Variants in MKLN1 observed in about 807,000 individuals in gnomAD.
MKLN1 encodes the protein muskelin 1.
A neutral mutation model predicts 99.0 loss-of-function variants in MKLN1; 18 were observed. The ratio of observed to expected loss-of-function variants is 0.18; its 90% CI spans 0.13 to 0.27. The LOEUF (loss-of-function observed/expected upper bound fraction) is 0.27. MKLN1 is among the 10% of genes least tolerant of loss of function. The pLI is 1.00. For synonymous variants in MKLN1, 288 were observed against 293.2 expected (o/e 0.98, Z 0.18); for missense variants, 621 against 875.9 (o/e 0.71, Z 3.67).
intron 3 of MKLN1, among the ~76,000 whole-genome samples, chr7:131,287,408 G>A (rs777865363): frequency 1.2e-4 from 19 of 152,174 alleles, no homozygotes; most frequent in South Asian, 2.1e-4. Context: ...TTCTTCCAGC[G>A]TCTGGGGGCC....
At chr7:131,374,785 TAAA>T (rs1793587567) in intron 1 of MKLN1, among the ~76,000 whole-genome samples, 1 of 152,102 alleles carries the variant, frequency 6.6e-6, no homozygotes, top group African/African-American at 2.4e-5. Context: ...TATATATGTA[TAAA>T]AAATATATAT....
chr7:131,267,719 T>A (rs1417917930), intron 3 of MKLN1, among the ~76,000 whole-genome samples: 1 of 152,220 alleles, frequency 6.6e-6, no homozygotes, highest in Non-Finnish European at 1.5e-5. Context: ...AGTTGTTTTT[T>A]AAATGTTTTC....
rs539100648 is a variant in MKLN1 at position 131,183,392 on chromosome 7, A to G, written c.-296-19465A>G. 5.6e-4 allele frequency among the ~76,000 whole-genome samples: 85 copies of G among 152,226 alleles called. 1 individual carries two copies. Among genetic ancestry groups the G allele is most frequent in the African/African-American group, 1.9e-3 (79 of 41,544 alleles). On this transcript the variant is annotated intron_variant, in intron 2 of 7. Transcript: ENST00000416992. The stretch of plus-strand genomic sequence containing the variant: ...ATTGGAACTGCCCAGGTCTCCAAAT[A>G]CTCTGTCCTGTAATCATTCCCTCTT...
intron 5 of MKLN1, among the ~76,000 whole-genome samples, chr7:131,399,025 T>G (rs1287387378): frequency 6.6e-6 from 1 of 152,256 alleles, no homozygotes; most frequent in African/African-American, 2.4e-5. Flanking sequence ...CTACATATTT[T>G]GTGACCTTGA....
chr7:131,112,109 C>A (rs1264555968), intron 1 of MKLN1, among the ~76,000 whole-genome samples: 1 of 152,294 alleles, frequency 6.6e-6, no homozygotes, highest in East Asian at 1.9e-4. Flanking sequence ...TAGGTGGATT[C>A]TGATGTAGAT....
At chr7:131,153,275 C>T (rs1795915904) in intron 2 of MKLN1, among the ~76,000 whole-genome samples, 1 of 152,028 alleles carries the variant, frequency 6.6e-6, no homozygotes, top group Non-Finnish European at 1.5e-5. Flanking sequence ...AATTTGAACT[C>T]ATTCATTGAA....
chr7:131,246,937 A>G (rs1584865161), intron 3 of MKLN1, among the ~76,000 whole-genome samples: 1 of 152,160 alleles, frequency 6.6e-6, no homozygotes, highest in East Asian at 1.9e-4. Context: ...ATCTCAGGGC[A>G]CTGTTGAGAG....
At chr7:131,244,142 T>C (rs1193831915) in intron 3 of MKLN1, among the ~76,000 whole-genome samples, 2 of 152,202 alleles carry the variant, frequency 1.3e-5, no homozygotes, top group Non-Finnish European at 2.9e-5. Flanking sequence ...GATTTCCCTC[T>C]ACTCCCCAGG....
At chr7:131,215,755 C>T (rs1796971672) in intron 3 of MKLN1, among the ~76,000 whole-genome samples, 1 of 152,126 alleles carries the variant, frequency 6.6e-6, no homozygotes, top group South Asian at 2.1e-4. Flanking sequence ...ATGGAGATAC[C>T]ATGGATTCAG....
intron 1 of MKLN1, among the ~76,000 whole-genome samples, chr7:131,373,343 G>C (rs1389201096): frequency 6.6e-6 from 1 of 151,858 alleles, no homozygotes; most frequent in Non-Finnish European, 1.5e-5. Context: ...TTATATTTAA[G>C]TGCTCTTTAA....
At chr7:131,239,013 AAAG>A (rs1387436021) in intron 3 of MKLN1, among the ~76,000 whole-genome samples, 2 of 152,152 alleles carry the variant, frequency 1.3e-5, no homozygotes, top group African/African-American at 4.8e-5. Flanking sequence ...TTCCTAGCAA[AAAG>A]AAGAACCAGG....
At chr7:131,147,713 T>A (rs931967870) in intron 2 of MKLN1, among the ~76,000 whole-genome samples, 23 of 152,302 alleles carry the variant, frequency 1.5e-4, no homozygotes, top group African/African-American at 5.5e-4. Context: ...CCACACAGTC[T>A]GACTTTAGCA....
At chr7:131,342,630 A>G (rs976769297) in intron 1 of MKLN1, among the ~76,000 whole-genome samples, 2 of 152,222 alleles carry the variant, frequency 1.3e-5, no homozygotes, top group South Asian at 4.1e-4. Flanking sequence ...TTCAGCATTG[A>G]TGACTGGGAA....
intron 12 of MKLN1, among the ~76,000 whole-genome samples, chr7:131,450,174 G>A (rs1272824114): frequency 6.6e-6 from 1 of 152,022 alleles, no homozygotes; most frequent in Admixed American, 6.6e-5. Flanking sequence ...ACCCCTCCCT[G>A]CAACCCATTC....
At chr7:131,428,736 C>T (rs1795432457) in intron 8 of MKLN1, among the ~76,000 whole-genome samples, 1 of 152,172 alleles carries the variant, frequency 6.6e-6, no homozygotes, top group Non-Finnish European at 1.5e-5. Flanking sequence ...TTTACAAATA[C>T]AGACCCATTT....
chr7:131,420,762 G>T (rs533768127), intron 8 of MKLN1, among the ~76,000 whole-genome samples: 39 of 152,268 alleles, frequency 2.6e-4, no homozygotes, highest in East Asian at 1.2e-3. Context: ...CATGGACAAG[G>T]GGGGAAGGAC....
At chr7:131,299,567 C>T (rs568419082) in intron 3 of MKLN1, among the ~76,000 whole-genome samples, 32 of 152,256 alleles carry the variant, frequency 2.1e-4, no homozygotes, top group African/African-American at 6.3e-4. Context: ...TGTAGCTCGC[C>T]GCCAGCACTC....
intron 3 of MKLN1, among the ~76,000 whole-genome samples, chr7:131,222,978 G>T (rs1479289043): frequency 3.3e-5 from 5 of 152,128 alleles, no homozygotes; most frequent in Admixed American, 2.0e-4. Context: ...GGAGGTGGAG[G>T]TTGCAGAGAT....
intron 2 of MKLN1, among the ~76,000 whole-genome samples, chr7:131,194,559 T>A (rs1796614393): frequency 6.6e-6 from 1 of 152,222 alleles, no homozygotes; most frequent in Non-Finnish European, 1.5e-5. Flanking sequence ...ATGCTTGAGA[T>A]CCATACTTAC....
Sources: gnomAD v4.1 joint callset for allele counts (sites outside exome capture counted in the v4.1 genomes callset) on GRCh38, gnomAD v4.1.1 for gene constraint, MANE v1.5 for transcripts, NCBI Gene and HGNC (gene_info 2026-07-23, HGNC 2026-07-21) for gene names.